Variants in KLHDC8A observed in about 807,000 individuals in gnomAD.
The protein encoded by KLHDC8A is kelch domain containing 8A.
KLHDC8A carries 21 observed loss-of-function variants against 33.1 expected under a neutral mutation model. The ratio of observed to expected loss-of-function variants is 0.64; its 90% CI spans 0.45 to 0.91. The LOEUF (loss-of-function observed/expected upper bound fraction) is 0.91. Ranked by LOEUF, KLHDC8A falls within the 40% of genes least tolerant of loss-of-function variation. KLHDC8A has a pLI of 0.00. For synonymous variants in KLHDC8A, 173 were observed against 193.5 expected (o/e 0.89, Z 0.88); for missense variants, 435 against 483.3 (o/e 0.90, Z 0.94).
Position 205,343,489 on chromosome 1 carries a change from C to CAT in KLHDC8A, c.114_115dup (p.Cys39TyrfsTer46). The CAT allele has an allele frequency of 6.2e-7, 1 of 1,613,542 alleles. No individual in the cohort carries two copies. The highest frequency in any genetic ancestry group is 8.5e-7 in the Non-Finnish European group (1 of 1,179,882). On this transcript the variant is annotated frameshift_variant, in exon 2 of 6. Coordinates refer to ENST00000367155, the MANE Select transcript of KLHDC8A (RefSeq NM_018203.3). LOFTEE classifies it high-confidence loss of function. ...GTCCATGGGGACGCCGTTGTCGTCA[C>CAT]ATCCCCCGATGGCATAGACCTGGCC...
chr1:205,343,859 G>T (rs1311133422), intron 1 of KLHDC8A, 66 bp from the exon 2 acceptor site: 19 of 481,352 alleles, frequency 3.9e-5, no homozygotes, highest in Non-Finnish European at 6.6e-5. Context: ...GCAGCGGATG[G>T]GCTCCGCAGC....
chr1:205,347,670 G>T (rs1211820005), intron 1 of KLHDC8A, among the ~76,000 whole-genome samples: 1 of 152,080 alleles, frequency 6.6e-6, no homozygotes, highest in African/African-American at 2.4e-5. Context: ...AAACAAGATC[G>T]TGCCACTGCA....
chr1:205,353,829 A>G (rs1369569785), intron 1 of KLHDC8A, among the ~76,000 whole-genome samples: 1 of 152,230 alleles, frequency 6.6e-6, no homozygotes, highest in Non-Finnish European at 1.5e-5. Context: ...TCTGTTTATC[A>G]CATAATCTCT....
intron 1 of KLHDC8A, among the ~76,000 whole-genome samples, chr1:205,350,238 A>G (rs1663060575): frequency 6.6e-6 from 1 of 152,212 alleles, no homozygotes; most frequent in African/African-American, 2.4e-5. Context: ...CAATCAGCCC[A>G]GGACAAGGGG....
chr1:205,340,546 G>A (rs970633636), intron 2 of KLHDC8A, among the ~76,000 whole-genome samples: 1 of 151,954 alleles, frequency 6.6e-6, no homozygotes, highest in African/African-American at 2.4e-5. Context: ...GTGCAATGGT[G>A]TGATCTCAGC....
At position 205,339,894 on chromosome 1, in the gene KLHDC8A, A is replaced by G. The variant is rs1204414699; in HGVS notation, c.377-86T>C. ...CCAGCATCTATTGCCTCCCATGGCC[A>G]GGCCAAGCTTTCAACCACTGCTCAG... is the stretch of plus-strand genomic sequence containing the variant. On this transcript the variant is annotated intron_variant, in intron 2 of 5. Coordinates refer to ENST00000367155, the MANE Select transcript of KLHDC8A (RefSeq NM_018203.3). This position sits in a 1 kb window ranked among gnomAD's most constrained non-coding sequence, Gnocchi z 5.1. 2.3e-6 allele frequency: 3 copies of G among 1,313,238 alleles called. No homozygotes were observed. The African/African-American group carries it at 4.4e-5, about 19-fold the overall frequency. The allele number at this position is 1,313,238 out of a possible 1,614,324, so 81.3% of individuals were successfully genotyped here. A position where few individuals can be genotyped will look rare whatever the true frequency, so the allele number is the denominator to read the frequency against.
chr1:205,345,774 C>A (rs557800217), intron 1 of KLHDC8A, among the ~76,000 whole-genome samples: 1 of 152,086 alleles, frequency 6.6e-6, no homozygotes, highest in East Asian at 1.9e-4. Flanking sequence ...ACCTTCCACC[C>A]CCAAAAGTAT....
In KLHDC8A at chr1:205,339,774, C is replaced by T. The variant is rs1168290543; in HGVS notation, c.411G>A (p.Leu137=). Residue 137 remains leucine, a synonymous_variant, in exon 3 of 6, where the codon CTG becomes CTA. Coordinates refer to ENST00000367155, the MANE Select transcript of KLHDC8A (RefSeq NM_018203.3). This position sits in a 1 kb window ranked among gnomAD's most constrained non-coding sequence, Gnocchi z 5.1. The part of the protein sequence containing the change: ...YRVYAAGGMG[L]DLRPHNHLQH... ...GGAGGTGGTTGTGTGGACGTAGGTC[C>T]AGGCCCATCCCGCCTGCCGCATATA... 2 of 1,613,396 alleles carry T rather than the reference C, an allele frequency of 1.2e-6. No homozygotes were observed. Among genetic ancestry groups the T allele is most frequent in the Non-Finnish European group, 1.7e-6 (2 of 1,179,802 alleles).
Position 205,341,891 on chromosome 1 carries a change from C to T in KLHDC8A, c.376+1338G>A, listed in dbSNP as rs180749661. ...GTCTTGATCTCCTGACCTCATGATC[C>T]GCCCGCCTCAGCCTCCCAAAATGCT... On this transcript the variant is annotated intron_variant, in intron 2 of 5. Transcript: ENST00000367155. 5.8e-4 allele frequency among the ~76,000 whole-genome samples: 89 copies of T among 152,292 alleles called. No homozygotes were observed. In the Middle Eastern group the frequency reaches 0.01, roughly 17 times the overall value.
chr1:205,337,208 T>C lies in KLHDC8A; in HGVS notation c.*191A>G, dbSNP rs1361940356. ...CAGCTGGTGGAGTCATCTGTGCCTCTTACAGTTTTCTGAGATTGGTAGGAT... is the reference window on the plus strand; with the variant it reads ...CAGCTGGTGGAGTCATCTGTGCCTCCTACAGTTTTCTGAGATTGGTAGGAT... On this transcript the variant is annotated 3_prime_UTR_variant, in exon 6 of 6. Coordinates refer to ENST00000367155, the MANE Select transcript of KLHDC8A (RefSeq NM_018203.3). The C allele has an allele frequency of 2.4e-5, 14 of 593,086 alleles. No homozygotes were observed. The highest frequency in any genetic ancestry group is 4.2e-5 in the Non-Finnish European group (14 of 333,148). 36.7% of individuals were successfully genotyped at this position (593,086 alleles called of 1,614,324 possible).
intron 4 of KLHDC8A, among the ~76,000 whole-genome samples, chr1:205,338,868 G>C (rs1272604180): frequency 6.6e-6 from 1 of 152,148 alleles, no homozygotes; most frequent in African/African-American, 2.4e-5. Flanking sequence ...CAGTGAGGGA[G>C]GAGTCAGGAT....
chr1:205,344,186 G>T (rs557511220), intron 1 of KLHDC8A: 2 of 152,416 alleles, frequency 1.3e-5, no homozygotes, highest in African/African-American at 2.4e-5. Flanking sequence ...CATCACTGGG[G>T]AGCCCGGAGC....
rs1662838818 is a variant in KLHDC8A, at chr1:205,343,258, G to A, written c.347C>T (p.Ala116Val). Residue 116 changes from alanine (A) to valine (V), a missense_variant, in exon 2 of 6, where the codon GCC becomes GTC. Coordinates refer to ENST00000367155, the MANE Select transcript of KLHDC8A (RefSeq NM_018203.3). ...KWKKRSMLRE[A>V]AMGISVTAKD... ...GGCCGTGACAGAAATGCCCATGGCG[G>A]CCTCACGCAGCATGCTCCTCTTCTT... The A allele has an allele frequency of 1.2e-6, 2 of 1,601,060 alleles. No homozygotes were observed. Among genetic ancestry groups the A allele is most frequent in the South Asian group, 1.1e-5 (1 of 90,366 alleles).
rs1233283942 is a variant in KLHDC8A, at chr1:205,336,710, A to T, written c.*689T>A. On this transcript the variant is annotated 3_prime_UTR_variant, in exon 6 of 6. Coordinates refer to ENST00000367155, the MANE Select transcript of KLHDC8A (RefSeq NM_018203.3). ...AAAAGGTGAAGTGGAATTAGGAGAG[A>T]TGTGGGGAGCAGACCCAGGGCTGGG... The T allele has an allele frequency of 6.6e-6, 1 of 152,548 alleles. No individual in the cohort carries two copies. Among genetic ancestry groups the T allele is most frequent in the African/African-American group, 2.4e-5 (1 of 41,380 alleles). 9.4% of individuals were successfully genotyped at this position (152,548 alleles called of 1,614,324 possible). A position where few individuals can be genotyped will look rare whatever the true frequency, so the allele number is the denominator to read the frequency against.
rs146176717 is a variant in KLHDC8A, at chr1:205,356,441, C to T, written c.-190+92G>A. 1,839 of 438,268 alleles carry T rather than the reference C, an allele frequency of 4.2e-3. 5 individuals are homozygous for T. Among genetic ancestry groups the T allele is most frequent in the Non-Finnish European group, 6.6e-3 (1,415 of 215,128 alleles). 27.1% of individuals were successfully genotyped at this position (438,268 alleles called of 1,614,324 possible). A position where few individuals can be genotyped will look rare whatever the true frequency, so the allele number is the denominator to read the frequency against. ...CCAGCCTGTCTACCTGGGCAGCCCT[C>T]CTCTCACAGACACCACTGCCTGTCT... On this transcript the variant is annotated intron_variant, in intron 1 of 5. Transcript: ENST00000367155.
intron 1 of KLHDC8A, among the ~76,000 whole-genome samples, chr1:205,353,789 G>A (rs1165173522): frequency 1.3e-5 from 2 of 152,278 alleles, no homozygotes; most frequent in African/African-American, 4.8e-5. Context: ...AACATTTTGA[G>A]GGCCCTTGTT....
chr1:205,356,637 T>A lies in KLHDC8A; in HGVS notation c.-294A>T, dbSNP rs1663284223. 1 of 455,024 alleles carries A rather than the reference T, an allele frequency of 2.2e-6. No individual in the cohort carries two copies. The highest frequency in any genetic ancestry group is 2.4e-5 in the Admixed American group (1 of 42,474). The allele number at this position is 455,024 out of a possible 1,614,324, so 28.2% of individuals were successfully genotyped here. On this transcript the variant is annotated 5_prime_UTR_variant, in exon 1 of 6. Transcript: ENST00000367155. ...CGGGTGTTGGCTCTGAGGCTTGTCC[T>A]AGGAGCTGGCTGGGAATAGAGTCGG...
rs112954731 is a variant in KLHDC8A at position 205,339,283 on chromosome 1, T to C, written c.668A>G (p.His223Arg). The change falls in exon 4 of 6, where the codon CAC becomes CGC. Residue 223 changes from histidine (H) to arginine (R), a missense_variant. Transcript: ENST00000367155. The surrounding 1 kb of genome is among the most constrained non-coding windows in gnomAD (Gnocchi z 5.1). ...CCGCAGGCCTCCTAGGCTGTACAAG[T>C]GGTTGTCCAGGGTCACAAAGCTGGA... The part of the protein sequence containing the change: ...AFSSFVTLDN[H>R]LYSLGGLRQG... 179 of 1,614,072 alleles carry C rather than the reference T, an allele frequency of 1.1e-4. No individual in the cohort carries two copies. In the African/African-American group the frequency reaches 2.1e-3, roughly 19 times the overall value.
intron 1 of KLHDC8A, among the ~76,000 whole-genome samples, chr1:205,355,653 C>T (rs549039706): frequency 6.6e-6 from 1 of 151,994 alleles, no homozygotes; most frequent in African/African-American, 2.4e-5. Context: ...TATAATTTAG[C>T]CTATAAAGTA....
Sources: allele counts gnomAD v4.1 joint callset (sites outside exome capture counted in the v4.1 genomes callset), GRCh38; gene constraint gnomAD v4.1.1; non-coding constraint Gnocchi (gnomAD v3.1); transcripts MANE v1.5; gene names NCBI Gene and HGNC (gene_info 2026-07-23, HGNC 2026-07-21).